TBXAS1: variants seen among roughly 807,000 people sequenced by gnomAD.
The protein encoded by TBXAS1 is thromboxane A synthase 1.
Under a neutral mutation model 60.7 loss-of-function variants are expected in TBXAS1, and 48 were observed. The observed-to-expected ratio is 0.79, with a 90% CI of 0.63 to 1.01. The LOEUF is 1.01. Among genes scored for constraint, TBXAS1 ranks in the 50% least tolerant of loss-of-function variants. The probability of loss-of-function intolerance (pLI) is 0.00; values close to 1 mark genes in which losing one functional copy is unlikely to be tolerated. For synonymous variants in TBXAS1, 287 were observed against 269.7 expected (o/e 1.06, Z -0.63); for missense variants, 685 against 686.3 (o/e 1.00, Z 0.02).
rs895238322 is a variant in TBXAS1 at position 139,800,325 on chromosome 7, C to G, written c.-80+12899C>G. On this transcript the variant is annotated intron_variant, in intron 4 of 16. Transcript: ENST00000336425. ...ATGGCTTATCCTCTCCCTCCCTCCTCGAAGACCTCAATGCACCTGACTGAA... is the reference window on the plus strand; with the variant it reads ...ATGGCTTATCCTCTCCCTCCCTCCTGGAAGACCTCAATGCACCTGACTGAA... Among the ~76,000 whole-genome samples, 4 of 152,154 alleles carry G rather than the reference C, an allele frequency of 2.6e-5. No individual in the cohort carries two copies. In the South Asian group the frequency reaches 8.3e-4, roughly 32 times the overall value.
chr7:139,982,002 T>A (rs1812012858), intron 9 of TBXAS1, among the ~76,000 whole-genome samples: 1 of 152,258 alleles, frequency 6.6e-6, no homozygotes, highest in South Asian at 2.1e-4. Flanking sequence ...CACAAAGTTT[T>A]GTAGTTTGAA....
chr7:139,925,601 T>G (rs1806816476), intron 4 of TBXAS1, among the ~76,000 whole-genome samples: 1 of 152,218 alleles, frequency 6.6e-6, no homozygotes, highest in Non-Finnish European at 1.5e-5. Context: ...CAAAGATAAT[T>G]TGACTTCTTC....
At chr7:140,012,501 C>T (rs929758213) in intron 10 of TBXAS1, among the ~76,000 whole-genome samples, 2 of 149,834 alleles carry the variant, frequency 1.3e-5, no homozygotes, top group Admixed American at 6.7e-5. Context: ...CTCGCTCTGT[C>T]GCTCAGGTGT....
At chr7:139,959,475 T>C (rs1810155040) in intron 8 of TBXAS1, among the ~76,000 whole-genome samples, 1 of 152,170 alleles carries the variant, frequency 6.6e-6, no homozygotes, top group Admixed American at 6.5e-5. Flanking sequence ...CAATGGGCAG[T>C]GTTCAGATAG....
intron 4 of TBXAS1, among the ~76,000 whole-genome samples, chr7:139,801,653 T>C (rs986609785): frequency 1.2e-4 from 19 of 152,056 alleles, no homozygotes; most frequent in African/African-American, 4.1e-4. Context: ...TCCTTTTCTT[T>C]TGCATTACAG....
rs902547135 is a variant in TBXAS1, at chr7:139,849,251, C to T, written c.89+19772C>T. On this transcript the variant is annotated intron_variant, in intron 1 of 12. Coordinates refer to ENST00000448866, the MANE Select transcript of TBXAS1 (RefSeq NM_001061.7). The stretch of plus-strand genomic sequence containing the variant: ...ACAATTAGCCAGGTGCGGTGACATG[C>T]ATCTGTGGTCCCAGCTACTCAAGAG... 1.9e-4 allele frequency among the ~76,000 whole-genome samples: 29 copies of T among 152,068 alleles called. No individual in the cohort carries two copies. In the East Asian group the frequency reaches 5.6e-3, roughly 29 times the overall value.
chr7:140,011,214 T>A (rs1218838536), intron 10 of TBXAS1, among the ~76,000 whole-genome samples: 3 of 151,312 alleles, frequency 2.0e-5, no homozygotes. Flanking sequence ...GAGGCGGAGG[T>A]TGCAGTGAGC....
Position 139,884,701 on chromosome 7 carries a change from A to G in TBXAS1, c.236+9064A>G, listed in dbSNP as rs577565699. ...ACCAGGAAGGTGTCAGCTGGACAGT[A>G]GTCAGGCGTCCAGTAAAGCAGCGAT... On this transcript the variant is annotated intron_variant, in intron 3 of 12. Transcript: ENST00000448866. 9.8e-5 allele frequency among the ~76,000 whole-genome samples: 15 copies of G among 152,332 alleles called. No individual in the cohort carries two copies. In the South Asian group the frequency reaches 3.1e-3, roughly 32 times the overall value.
At chr7:139,899,056 C>A (rs1176934899) in intron 3 of TBXAS1, among the ~76,000 whole-genome samples, 6 of 151,614 alleles carry the variant, frequency 4.0e-5, no homozygotes, top group African/African-American at 1.5e-4. Flanking sequence ...CATTATAAAA[C>A]ACTGAACGTT....
At chr7:139,919,265 A>G (rs1806255560) in intron 4 of TBXAS1, among the ~76,000 whole-genome samples, 1 of 152,206 alleles carries the variant, frequency 6.6e-6, no homozygotes, top group Non-Finnish European at 1.5e-5. Context: ...TTGTGTGAGA[A>G]TTAGAAACAA....
chr7:139,863,738 A>T (rs1801142431), intron 1 of TBXAS1, among the ~76,000 whole-genome samples: 1 of 152,200 alleles, frequency 6.6e-6, no homozygotes, highest in Admixed American at 6.5e-5. Context: ...TCTCAACCCA[A>T]AGAAAATAGA....
At chr7:139,944,017 C>T (rs1808498206) in intron 5 of TBXAS1, among the ~76,000 whole-genome samples, 1 of 152,054 alleles carries the variant, frequency 6.6e-6, no homozygotes, top group Admixed American at 6.6e-5. Flanking sequence ...ATGAAATGTT[C>T]AATTTATAAA....
chr7:139,846,576 T>C (rs1799818889), intron 1 of TBXAS1, among the ~76,000 whole-genome samples: 1 of 152,244 alleles, frequency 6.6e-6, no homozygotes, highest in Non-Finnish European at 1.5e-5. Context: ...GCATAGACGC[T>C]GGGCAGCTAG....
In TBXAS1 at chr7:140,015,774, C is replaced by T. The variant is rs372503987; in HGVS notation, c.1278C>T (p.Pro426=). The T allele has an allele frequency of 5.8e-5, 94 of 1,613,450 alleles. No individual in the cohort carries two copies. Among genetic ancestry groups the T allele is most frequent in the African/African-American group, 5.1e-4 (38 of 74,914 alleles). ...GCGAGGTGCTGGGGCAGCGCATCCC[C>T]GCAGGCGCTGTGCTAGAGATGGCCG... The part of the protein sequence containing the change: ...QDCEVLGQRI[P]AGAVLEMAVG... The change falls in exon 11 of 13, where the codon CCC becomes CCT. Residue 426 remains proline, a synonymous_variant. Coordinates refer to ENST00000448866, the MANE Select transcript of TBXAS1 (RefSeq NM_001061.7).
At chr7:139,928,157 T>C (rs1807037652) in intron 4 of TBXAS1, among the ~76,000 whole-genome samples, 1 of 152,176 alleles carries the variant, frequency 6.6e-6, no homozygotes, top group Non-Finnish European at 1.5e-5. Context: ...GTGAAGGAAG[T>C]CTCCTTATAT....
intron 10 of TBXAS1, among the ~76,000 whole-genome samples, chr7:140,014,869 G>C (rs1814893510): frequency 6.7e-6 from 1 of 149,748 alleles, no homozygotes; most frequent in South Asian, 2.1e-4. Context: ...AGCAGAGATT[G>C]TGCCACTCCA....
In TBXAS1 at chr7:139,778,716, G is replaced by A. The variant is rs540971842; in HGVS notation, c.-318+245G>A. 2.0e-5 allele frequency among the ~76,000 whole-genome samples: 3 copies of A among 152,258 alleles called. No homozygotes were observed. In the East Asian group the frequency reaches 5.8e-4, roughly 30 times the overall value. On this transcript the variant is annotated intron_variant, in intron 1 of 16. Transcript: ENST00000336425. The surrounding 1 kb of genome is among the most constrained non-coding windows in gnomAD (Gnocchi z 4.8). ...AGGGCCGCCACTCCATCACTTGAAT[G>A]GGAGCTCACAACTCTCTGGGTCCTC... is the stretch of plus-strand genomic sequence containing the variant.
rs186433751 is a variant in TBXAS1, at chr7:140,011,632, C to T, written c.1227-4091C>T. Among the ~76,000 whole-genome samples the T allele has an allele frequency of 6.1e-3, 924 of 152,140 alleles. 5 individuals carry two copies. The highest frequency in any genetic ancestry group is 7.7e-3 in the Non-Finnish European group (523 of 68,020). ...CCTCACCAGGACTCACTCAGAGGAG[C>T]CAAATTAACAAAGAAAGTAGAAGGC... On this transcript the variant is annotated intron_variant, in intron 10 of 12. Coordinates refer to ENST00000448866, the MANE Select transcript of TBXAS1 (RefSeq NM_001061.7).
intron 4 of TBXAS1, among the ~76,000 whole-genome samples, chr7:139,804,310 A>C (rs1797789958): frequency 6.6e-6 from 1 of 152,112 alleles, no homozygotes; most frequent in Non-Finnish European, 1.5e-5. Context: ...TTTATGGCCA[A>C]TTTCTCCCAT....
Sources: gnomAD v4.1 joint callset for allele counts (sites outside exome capture counted in the v4.1 genomes callset) on GRCh38, gnomAD v4.1.1 for gene constraint, Gnocchi (gnomAD v3.1) non-coding constraint, MANE v1.5 for transcripts, NCBI Gene and HGNC (gene_info 2026-07-23, HGNC 2026-07-21) for gene names.